Variants in FBXL7 observed in about 807,000 individuals in gnomAD.
The protein encoded by FBXL7 is F-box and leucine rich repeat protein 7, also known as F-box/LRR-repeat protein 7.
In FBXL7, 12 loss-of-function variants were observed where a neutral mutation model predicts 38.3. The ratio of observed to expected loss-of-function variants is 0.31; its 90% CI spans 0.20 to 0.51. The LOEUF is 0.51. Ranked by LOEUF, FBXL7 falls within the 20% of genes least tolerant of loss-of-function variation. The pLI, the probability that FBXL7 is intolerant of heterozygous loss-of-function variation, is 0.98. For missense variants in FBXL7, 567 were observed against 676.4 expected (o/e 0.84, Z 1.79); for synonymous variants, 297 against 300.9 (o/e 0.99, Z 0.13).
chr5:15,809,857 T>C (rs1381187676), intron 2 of FBXL7, among the ~76,000 whole-genome samples: 1 of 152,208 alleles, frequency 6.6e-6, no homozygotes, highest in African/African-American at 2.4e-5. Flanking sequence ...TGAAACACAG[T>C]ATCTGAGAGT....
intron 2 of FBXL7, among the ~76,000 whole-genome samples, chr5:15,830,913 C>T (rs568403100): frequency 1.3e-5 from 2 of 152,206 alleles, no homozygotes; most frequent in South Asian, 4.2e-4. Flanking sequence ...ATTCCCTCCC[C>T]TTGTTCTTTT....
At chr5:15,552,474 A>G (rs190308541) in intron 1 of FBXL7, among the ~76,000 whole-genome samples, 17 of 152,274 alleles carry the variant, frequency 1.1e-4, no homozygotes, top group Middle Eastern at 3.4e-3. Flanking sequence ...GATTTCCCCA[A>G]TGGGTTTTAT....
intron 1 of FBXL7, among the ~76,000 whole-genome samples, chr5:15,561,555 T>G (rs143405910): frequency 3.5e-4 from 54 of 152,240 alleles, no homozygotes; most frequent in South Asian, 6.2e-4. Context: ...ACGAGGTGAT[T>G]TCATTTCCTT....
At chr5:15,550,620 C>T (rs1738038251) in intron 1 of FBXL7, among the ~76,000 whole-genome samples, 1 of 152,172 alleles carries the variant, frequency 6.6e-6, no homozygotes, top group Admixed American at 6.5e-5. Flanking sequence ...AGAGGTAGAC[C>T]CAGGTTCTTT....
chr5:15,813,548 A>T (rs1737926298), intron 2 of FBXL7, among the ~76,000 whole-genome samples: 1 of 152,180 alleles, frequency 6.6e-6, no homozygotes, highest in Non-Finnish European at 1.5e-5. Flanking sequence ...ACCAAAAGCA[A>T]TGGCAACAAA....
chr5:15,620,714 TAGTG>T (rs1157131839), intron 2 of FBXL7, among the ~76,000 whole-genome samples: 2 of 152,304 alleles, frequency 1.3e-5, no homozygotes, highest in South Asian at 2.1e-4. Flanking sequence ...CTGAAACTGA[TAGTG>T]AGTTCCTGGA....
At chr5:15,571,103 AAAAAAAAG>A (rs1434471057) in intron 1 of FBXL7, among the ~76,000 whole-genome samples, 97 of 151,526 alleles carry the variant, frequency 6.4e-4, no homozygotes, top group African/African-American at 1.9e-3. Context: ...AAAAAAAAAA[AAAAAAAAG>A]AAAAAAGAAA....
intron 2 of FBXL7, among the ~76,000 whole-genome samples, chr5:15,831,672 T>C (rs938505336): frequency 6.6e-6 from 1 of 152,148 alleles, no homozygotes; most frequent in South Asian, 2.1e-4. Context: ...GGAAACATTG[T>C]TGGAGAACTC....
chr5:15,848,633 G>A (rs1579516816), intron 2 of FBXL7, among the ~76,000 whole-genome samples: 1 of 152,300 alleles, frequency 6.6e-6, no homozygotes, highest in Middle Eastern at 3.4e-3. Flanking sequence ...GCCTGCCTCA[G>A]TCTCCCAAAG....
At chr5:15,880,931 G>GT (rs1478848798) in intron 2 of FBXL7, among the ~76,000 whole-genome samples, 1 of 151,674 alleles carries the variant, frequency 6.6e-6, no homozygotes, top group Non-Finnish European at 1.5e-5. Flanking sequence ...TTCTAGTACT[G>GT]TTTTTTATTT....
At chr5:15,697,318 T>C (rs1251060841) in intron 2 of FBXL7, among the ~76,000 whole-genome samples, 1 of 152,102 alleles carries the variant, frequency 6.6e-6, no homozygotes, top group Non-Finnish European at 1.5e-5. Context: ...AGCACAAAAT[T>C]TATAATCAAG....
intron 2 of FBXL7, among the ~76,000 whole-genome samples, chr5:15,784,826 A>G (rs967144542): frequency 6.6e-6 from 1 of 152,166 alleles, no homozygotes; most frequent in African/African-American, 2.4e-5. Context: ...CTTCTTTATA[A>G]ATGACCCAGT....
intron 2 of FBXL7, among the ~76,000 whole-genome samples, chr5:15,913,436 A>G (rs1449276866): frequency 6.6e-6 from 1 of 152,134 alleles, no homozygotes; most frequent in African/African-American, 2.4e-5. Flanking sequence ...TGTTCTAATT[A>G]CTTATTGATC....
chr5:15,569,371 T>C (rs1483244552), intron 1 of FBXL7, among the ~76,000 whole-genome samples: 1 of 151,050 alleles, frequency 6.6e-6, no homozygotes, highest in East Asian at 1.9e-4. Flanking sequence ...GGGAGTTCAC[T>C]CATGATTTGG....
intron 2 of FBXL7, among the ~76,000 whole-genome samples, chr5:15,852,145 C>T (rs1203671696): frequency 6.6e-6 from 1 of 152,080 alleles, no homozygotes; most frequent in Non-Finnish European, 1.5e-5. Flanking sequence ...ACTATCCTTC[C>T]AAACTTTGGA....
intron 1 of FBXL7, among the ~76,000 whole-genome samples, chr5:15,516,548 C>T (rs1736941968): frequency 6.6e-6 from 1 of 152,182 alleles, no homozygotes; most frequent in South Asian, 2.1e-4. Context: ...GTACCAGAGT[C>T]TATTCTAGAT....
chr5:15,723,670 G>C (rs1056721799), intron 2 of FBXL7, among the ~76,000 whole-genome samples: 18 of 152,310 alleles, frequency 1.2e-4, no homozygotes, highest in African/African-American at 4.3e-4. Context: ...AGAATGATGA[G>C]TTTTGTGTCT....
At chr5:15,580,549 C>A (rs1561037071) in intron 1 of FBXL7, 11 of 881,154 alleles carry the variant, frequency 1.2e-5, no homozygotes, top group African/African-American at 1.8e-5. Flanking sequence ...ATAAGCAAAC[C>A]AAGAAGCCAC....
At chr5:15,581,662 C>A (rs1308339339) in intron 1 of FBXL7, among the ~76,000 whole-genome samples, 4 of 152,192 alleles carry the variant, frequency 2.6e-5, no homozygotes, top group African/African-American at 7.2e-5. Context: ...GATGCAGCTG[C>A]AAGATTCTCA....
Sources: allele counts gnomAD v4.1 joint callset (sites outside exome capture counted in the v4.1 genomes callset), GRCh38; gene constraint gnomAD v4.1.1; transcripts MANE v1.5; gene names NCBI Gene and HGNC (gene_info 2026-07-23, HGNC 2026-07-21).